IL15: variants seen among roughly 807,000 people sequenced by gnomAD.
The protein encoded by IL15 is interleukin 15.
In IL15, 11 loss-of-function variants were observed where a neutral mutation model predicts 19.6. The ratio of observed to expected loss-of-function variants is 0.56; its 90% CI spans 0.35 to 0.93. The LOEUF (loss-of-function observed/expected upper bound fraction) is 0.93. IL15 is among the 40% of genes least tolerant of loss of function. IL15 has a pLI of 0.01. For synonymous variants in IL15, 58 were observed against 59.6 expected (o/e 0.97, Z 0.12); for missense variants, 197 against 186.5 (o/e 1.06, Z -0.33).
intron 1 of IL15, among the ~76,000 whole-genome samples, chr4:141,640,323 G>T (rs201847506): frequency 1.3e-5 from 2 of 150,746 alleles, no homozygotes; most frequent in African/African-American, 4.9e-5. Flanking sequence ...AAAAAAAAAA[G>T]ACATGCAGAG....
chr4:141,685,234 A>G (rs1049641536), intron 2 of IL15, among the ~76,000 whole-genome samples: 4 of 152,170 alleles, frequency 2.6e-5, no homozygotes, highest in Non-Finnish European at 4.4e-5. Context: ...ACTTCAGAGG[A>G]TTTTATCTAA....
intron 2 of IL15, among the ~76,000 whole-genome samples, chr4:141,683,013 G>A (rs1273168633): frequency 1.3e-5 from 2 of 152,008 alleles, no homozygotes; most frequent in Non-Finnish European, 2.9e-5. Flanking sequence ...GCTCACGCCT[G>A]TAATCTCAAC....
At chr4:141,701,068 A>G (rs1380782829) in intron 2 of IL15, among the ~76,000 whole-genome samples, 10 of 152,128 alleles carry the variant, frequency 6.6e-5, no homozygotes, top group Admixed American at 6.5e-4. Flanking sequence ...CTTCTCTGGT[A>G]TCTCCTTGAC....
rs911671731 is a variant in IL15, at chr4:141,666,241, C to T, written c.-100+9934C>T. ...TCAGCCTCCCGAGTAGCTGGGACTA[C>T]AGGCGCCCACCACTAGGTCCCCGGG... is the stretch of plus-strand genomic sequence containing the variant. On this transcript the variant is annotated intron_variant, in intron 2 of 7. Transcript: ENST00000320650. 9.9e-5 allele frequency among the ~76,000 whole-genome samples: 15 copies of T among 152,198 alleles called. No individual in the cohort carries two copies. The East Asian group carries it at 1.7e-3, about 18-fold the overall frequency.
At chr4:141,698,201 T>G (rs1729164566) in intron 2 of IL15, among the ~76,000 whole-genome samples, 1 of 152,132 alleles carries the variant, frequency 6.6e-6, no homozygotes, top group Non-Finnish European at 1.5e-5. Flanking sequence ...TTGATCATGA[T>G]GTATTATCTT....
intron 2 of IL15, among the ~76,000 whole-genome samples, chr4:141,661,675 C>T (rs1315999980): frequency 2.0e-5 from 3 of 152,114 alleles, no homozygotes; most frequent in African/African-American, 7.2e-5. Flanking sequence ...CACATTCTTC[C>T]CCTTTTCTCT....
At chr4:141,645,529 T>C (rs1173955471) in intron 1 of IL15, among the ~76,000 whole-genome samples, 1 of 152,178 alleles carries the variant, frequency 6.6e-6, no homozygotes, top group Non-Finnish European at 1.5e-5. Flanking sequence ...CGTCACTGCA[T>C]TTCTAGCCTT....
At position 141,720,150 on chromosome 4, in the gene IL15, G is replaced by A. The variant is rs573036661; in HGVS notation, c.13-319G>A. ...AAAAAGAAAGAAGGATGAGGAGGAG[G>A]TCAAAGATAATATAAAAACTTTAAG... On this transcript the variant is annotated intron_variant, in intron 3 of 7. Transcript: ENST00000320650. 2.0e-5 allele frequency among the ~76,000 whole-genome samples: 3 copies of A among 151,542 alleles called. No homozygotes were observed. In the South Asian group the frequency reaches 6.3e-4, roughly 32 times the overall value.
rs571762453 is a variant in IL15 at position 141,672,608 on chromosome 4, C to T, written c.-100+16301C>T. On this transcript the variant is annotated intron_variant, in intron 2 of 7. Coordinates refer to ENST00000320650, the MANE Select transcript of IL15 (RefSeq NM_000585.5). ...GCTAAAGCAGAAAACACAAACTTGT[C>T]CATTTTGGTAAAATAAGGGTATTCT... 8.5e-5 allele frequency among the ~76,000 whole-genome samples: 13 copies of T among 152,232 alleles called. No individual in the cohort carries two copies. In the East Asian group the frequency reaches 2.5e-3, roughly 29 times the overall value.
At chr4:141,685,768 A>T (rs952154906) in intron 2 of IL15, among the ~76,000 whole-genome samples, 2 of 152,234 alleles carry the variant, frequency 1.3e-5, no homozygotes, top group Non-Finnish European at 2.9e-5. Flanking sequence ...GAATGAAAAG[A>T]TTTATCAGAT....
chr4:141,708,192 T>G (rs1005889501), intron 2 of IL15, among the ~76,000 whole-genome samples: 2 of 152,216 alleles, frequency 1.3e-5, no homozygotes. Flanking sequence ...GAAGCTTCCC[T>G]GCTGTGCATA....
intron 2 of IL15, chr4:141,704,518 A>G (rs992606334): frequency 3.8e-6 from 1 of 265,160 alleles, no homozygotes; most frequent in Non-Finnish European, 7.7e-6. Flanking sequence ...TTTTTGTTGT[A>G]TCCTTGTCTG....
chr4:141,722,067 C>T lies in IL15; in HGVS notation c.195+59C>T, dbSNP rs1730103644. 6.8e-6 allele frequency: 10 copies of T among 1,461,706 alleles called. No individual in the cohort carries two copies. In the South Asian group the frequency reaches 1.1e-4, roughly 16 times the overall value. 90.5% of individuals were successfully genotyped at this position (1,461,706 alleles called of 1,614,324 possible). A position where few individuals can be genotyped will look rare whatever the true frequency, so the allele number is the denominator to read the frequency against. On this transcript the variant is annotated intron_variant, in intron 5 of 7. Transcript: ENST00000320650. ...TAACTGCTATGGAGTTTGTCTCTCT[C>T]TGTGTTTTTCTGTCTGTCTTAAGGA... is the stretch of plus-strand genomic sequence containing the variant.
chr4:141,702,951 G>C (rs1409179851), intron 2 of IL15, among the ~76,000 whole-genome samples: 1 of 152,182 alleles, frequency 6.6e-6, no homozygotes, highest in Non-Finnish European at 1.5e-5. Context: ...AGAGGCATGG[G>C]GTGGTTTGCA....
chr4:141,640,354 A>T (rs1727001665), intron 1 of IL15, among the ~76,000 whole-genome samples: 1 of 152,130 alleles, frequency 6.6e-6, no homozygotes, highest in South Asian at 2.1e-4. Context: ...ATTAGGACAC[A>T]ACTAGGTAAG....
intron 2 of IL15, among the ~76,000 whole-genome samples, chr4:141,709,062 AT>A (rs1729622252): frequency 7.6e-6 from 1 of 132,316 alleles, no homozygotes; most frequent in Non-Finnish European, 1.7e-5. Flanking sequence ...AATTTTCAAT[AT>A]TATTCAATAT....
intron 2 of IL15, among the ~76,000 whole-genome samples, chr4:141,685,676 A>C (rs999468373): frequency 3.3e-5 from 5 of 152,230 alleles, no homozygotes; most frequent in Non-Finnish European, 7.3e-5. Context: ...TCTGAAATTA[A>C]ACTTCAGAAA....
chr4:141,651,860 T>G (rs776866008), intron 1 of IL15, among the ~76,000 whole-genome samples: 3 of 152,132 alleles, frequency 2.0e-5, no homozygotes, highest in Non-Finnish European at 2.9e-5. Flanking sequence ...TTCTACCTTC[T>G]GTACCCCTTC....
chr4:141,730,107 A>G (rs1730403946), intron 7 of IL15, 123 bp downstream of exon 7: 1 of 786,358 alleles, frequency 1.3e-6, no homozygotes, highest in Admixed American at 2.0e-5. Context: ...GTTCCAGTGG[A>G]GTGGTGTGCA....
Sources: gnomAD v4.1 joint callset for allele counts (sites outside exome capture counted in the v4.1 genomes callset) on GRCh38, gnomAD v4.1.1 for gene constraint, MANE v1.5 for transcripts, NCBI Gene and HGNC (gene_info 2026-07-23, HGNC 2026-07-21) for gene names.